PVT1: variants seen among roughly 807,000 people sequenced by gnomAD.
The protein encoded by PVT1 is CXCR4/PVT1 fusion.
At chr8:128,027,926 G>T (rs1813332868) in intron 4 of PVT1, among the ~76,000 whole-genome samples, 1 of 152,168 alleles carries the variant, frequency 6.6e-6, no homozygotes, top group African/African-American at 2.4e-5. Context: ...CTTGTATGTG[G>T]CTCATACCTG....
intron 3 of PVT1, among the ~76,000 whole-genome samples, chr8:127,901,320 A>T (rs1815755747): frequency 6.6e-6 from 1 of 152,138 alleles, no homozygotes; most frequent in African/African-American, 2.4e-5. Context: ...GACCCATTGC[A>T]GGAAGAGGGG....
chr8:128,090,389 C>A (rs2648899), intron 5 of PVT1, among the ~76,000 whole-genome samples: 23,594 of 152,186 alleles, frequency 0.16, 1,999 homozygotes, highest in East Asian at 0.28. Context: ...TTTTACATTT[C>A]CCTTATTGTT....
At chr8:128,044,955 T>A (rs1436434353) in intron 4 of PVT1, among the ~76,000 whole-genome samples, 1 of 152,212 alleles carries the variant, frequency 6.6e-6, no homozygotes, top group Non-Finnish European at 1.5e-5. Flanking sequence ...TACTGTAAGG[T>A]ACATGAATGA....
intron 4 of PVT1, among the ~76,000 whole-genome samples, chr8:127,999,687 C>T (rs1817152825): frequency 6.6e-6 from 1 of 152,366 alleles, no homozygotes; most frequent in East Asian, 1.9e-4. Context: ...GTCTCGACCT[C>T]CTGACCTCAG....
chr8:128,041,904 G>C (rs998995152), intron 4 of PVT1, among the ~76,000 whole-genome samples: 5 of 152,216 alleles, frequency 3.3e-5, no homozygotes, highest in African/African-American at 1.2e-4. Flanking sequence ...ATGCTTTGCA[G>C]TTCCTGTATC....
chr8:127,838,515 G>A (rs1814933563), intron 2 of PVT1, among the ~76,000 whole-genome samples: 1 of 152,062 alleles, frequency 6.6e-6, no homozygotes, highest in East Asian at 1.9e-4. Context: ...GACCAGCCTG[G>A]CCAACATGGT....
intron 5 of PVT1, among the ~76,000 whole-genome samples, chr8:128,089,245 T>G (rs369865842): frequency 1.3e-5 from 2 of 152,190 alleles, no homozygotes; most frequent in African/African-American, 2.4e-5. Context: ...GGTTTGGAAG[T>G]CCAAGATCAA....
chr8:128,016,955 G>A (rs527813578), intron 4 of PVT1, among the ~76,000 whole-genome samples: 1 of 152,272 alleles, frequency 6.6e-6, no homozygotes, highest in Non-Finnish European at 1.5e-5. Flanking sequence ...GGAGGCCAAG[G>A]TAAGAGTATG....
At chr8:128,032,129 C>T (rs1013342654) in intron 4 of PVT1, among the ~76,000 whole-genome samples, 5 of 152,130 alleles carry the variant, frequency 3.3e-5, no homozygotes, top group African/African-American at 1.2e-4. Context: ...TTTGAAATCC[C>T]AGGAAACCGG....
At chr8:127,806,969 A>G (rs751197200) in intron 2 of PVT1, among the ~76,000 whole-genome samples, 3 of 152,292 alleles carry the variant, frequency 2.0e-5, no homozygotes, top group South Asian at 2.1e-4. Context: ...GGGTGTTTCC[A>G]CAAGATACAT....
chr8:127,844,915 G>A (rs1396389930), intron 2 of PVT1, among the ~76,000 whole-genome samples: 3 of 152,034 alleles, frequency 2.0e-5, no homozygotes, highest in African/African-American at 4.8e-5. Context: ...GGGTTTCACT[G>A]TGTTAGCCAG....
At chr8:127,809,892 C>G (rs1814572708) in intron 2 of PVT1, among the ~76,000 whole-genome samples, 1 of 152,232 alleles carries the variant, frequency 6.6e-6, no homozygotes, top group Admixed American at 6.5e-5. Context: ...AGAGATATCT[C>G]CTATCCATGT....
chr8:128,012,726 C>A (rs963504676), intron 4 of PVT1, among the ~76,000 whole-genome samples: 3 of 152,178 alleles, frequency 2.0e-5, no homozygotes, highest in African/African-American at 7.2e-5. Flanking sequence ...CTCCTCCTGC[C>A]AGAGTCCTGT....
At chr8:127,876,746 T>C (rs1311398127) in intron 2 of PVT1, among the ~76,000 whole-genome samples, 1 of 152,200 alleles carries the variant, frequency 6.6e-6, no homozygotes, top group Non-Finnish European at 1.5e-5. Context: ...CCACAACTCC[T>C]GTCCTCCGTG....
chr8:128,034,263 C>T (rs1197742617), intron 4 of PVT1, among the ~76,000 whole-genome samples: 1 of 151,896 alleles, frequency 6.6e-6, no homozygotes, highest in East Asian at 1.9e-4. Context: ...TTATTTTTCC[C>T]AGTGAACTAA....
chr8:127,828,510 AT>A (rs1814816005), intron 2 of PVT1, among the ~76,000 whole-genome samples: 1 of 151,856 alleles, frequency 6.6e-6, no homozygotes, highest in African/African-American at 2.4e-5. Context: ...TTGGCCAGAG[AT>A]GTATTTTGAA....
Position 127,966,526 on chromosome 8 carries a change from C to G in PVT1, n.783-22636C>G, listed in dbSNP as rs186442073. On this transcript the variant is annotated intron_variant and non_coding_transcript_variant, in intron 3 of 10. Coordinates refer to ENST00000651587, the Ensembl canonical transcript of PVT1. ...CACAAGATGGGGGATGGAGCTTGCC[C>G]CTCTTCTCAGCAGCCAGATAAGGCC... 1.2e-3 allele frequency among the ~76,000 whole-genome samples: 176 copies of G among 152,298 alleles called. 1 individual carries two copies. Among genetic ancestry groups the G allele is most frequent in the African/African-American group, 4.0e-3 (166 of 41,556 alleles).
chr8:127,818,252 A>AC (rs1229249793), intron 2 of PVT1, among the ~76,000 whole-genome samples: 4 of 151,718 alleles, frequency 2.6e-5, no homozygotes, highest in Non-Finnish European at 4.4e-5. Flanking sequence ...GAGCTTGGAT[A>AC]CCCCCCTGCC....
chr8:128,002,968 T>TCTTCCTTCCTTCCTTCCTTC (rs71300289), intron 4 of PVT1, among the ~76,000 whole-genome samples: 38 of 84,672 alleles, frequency 4.5e-4, no homozygotes, highest in African/African-American at 1.5e-3. Context: ...CCTCCCTCCC[T>TCTTCCTTCCTTCCTTCCTTC]CTTCCTTCCT....
Sources: allele counts gnomAD v4.1 joint callset (sites outside exome capture counted in the v4.1 genomes callset), GRCh38; gene constraint gnomAD v4.1.1; transcripts MANE v1.5; gene names NCBI Gene and HGNC (gene_info 2026-07-23, HGNC 2026-07-21).